C17orf113: variants seen among roughly 807,000 people sequenced by gnomAD.
C17orf113 encodes chromosome 17 open reading frame 113.
A neutral mutation model predicts 11.6 loss-of-function variants in C17orf113; 5 were observed. The observed-to-expected ratio is 0.43, with a 90% CI of 0.23 to 0.91. The LOEUF (loss-of-function observed/expected upper bound fraction) is 0.91. Ranked by LOEUF, C17orf113 falls within the 40% of genes least tolerant of loss-of-function variation. The pLI, the probability that C17orf113 is intolerant of heterozygous loss-of-function variation, is 0.26. For missense variants in C17orf113, 714 were observed against 841.3 expected, an observed-to-expected ratio of 0.85 and a Z score of 1.87; for synonymous variants, 327 against 390.6, an observed-to-expected ratio of 0.84 and a Z score of 1.92.
chr17:42,049,752 G>C (rs2053244728), intron 1 of C17orf113, among the ~76,000 whole-genome samples: 1 of 152,266 alleles, frequency 6.6e-6, no homozygotes, highest in African/African-American at 2.4e-5. Context: ...AAGGCAGGTA[G>C]GTAGAGCCCA....
chr17:42,047,523 C>A (rs1050880867), intron 1 of C17orf113, among the ~76,000 whole-genome samples: 1 of 152,046 alleles, frequency 6.6e-6, no homozygotes, highest in Non-Finnish European at 1.5e-5. Flanking sequence ...GACATGTATA[C>A]CAGTGCCCTG....
At position 42,043,030 on chromosome 17, in the gene C17orf113, G is replaced by A. The variant is rs1022646474; in HGVS notation, c.347C>T (p.Ala116Val). Reference sequence around the variant, plus strand: ...TAACTCCACCTTGACGCCCCTGGAGGCAGGGGTCGTAGCCAGGCCTGGGCA... The same window carrying A: ...TAACTCCACCTTGACGCCCCTGGAGACAGGGGTCGTAGCCAGGCCTGGGCA... Reference protein sequence around the residue: ...GACPGLATTPASRGVKVELDP... With the variant: ...GACPGLATTPVSRGVKVELDP... Residue 116 changes from alanine (A) to valine (V), a missense_variant, in exon 2 of 3, where the codon GCC becomes GTC. Physicochemically the swap from Ala to Val is moderately conservative, Grantham distance 64. This residue lies in a region of C17orf113 where 516 missense variants were observed against 626.6 expected (regional missense o/e 0.82). Transcript: ENST00000587304. 8.9e-6 allele frequency: 11 copies of A among 1,232,184 alleles called. No homozygotes were observed. Among genetic ancestry groups the A allele is most frequent in the Admixed American group, 8.4e-5 (2 of 23,704 alleles). 76.3% of individuals were successfully genotyped at this position (1,232,184 alleles called of 1,614,324 possible).
intron 1 of C17orf113, among the ~76,000 whole-genome samples, chr17:42,044,548 G>A (rs1271134132): frequency 1.3e-5 from 2 of 151,452 alleles, no homozygotes; most frequent in South Asian, 2.1e-4. Flanking sequence ...CCCGGGAGGC[G>A]GAGGTTGCAG....
chr17:42,044,005 C>G (rs2053087982), intron 1 of C17orf113, among the ~76,000 whole-genome samples: 1 of 151,792 alleles, frequency 6.6e-6, no homozygotes, highest in African/African-American at 2.4e-5. Flanking sequence ...CTTCAGCCCA[C>G]AGTCATCTAT....
chr17:42,049,824 T>G (rs1191232523), intron 1 of C17orf113, among the ~76,000 whole-genome samples: 2 of 152,254 alleles, frequency 1.3e-5, no homozygotes, highest in Non-Finnish European at 2.9e-5. Context: ...CTGCAGCTAT[T>G]GTAAATGCAG....
In C17orf113 at chr17:42,042,854, T is replaced by C. The variant is rs2053057368; in HGVS notation, c.523A>G (p.Arg175Gly). 3 of 1,232,290 alleles carry C rather than the reference T, an allele frequency of 2.4e-6. No homozygotes were observed. The highest frequency in any genetic ancestry group is 8.4e-5 in the Admixed American group (2 of 23,720). The allele number at this position is 1,232,290 out of a possible 1,614,324, so 76.3% of individuals were successfully genotyped here. A position where few individuals can be genotyped will look rare whatever the true frequency, so the allele number is the denominator to read the frequency against. The change falls in exon 2 of 3, where the codon AGG (arginine) becomes GGG (glycine). Residue 175 changes from arginine (R) to glycine (G), a missense_variant. By Grantham distance (125) the Arg-to-Gly change is moderately radical. Transcript: ENST00000587304. ...GTEHGDYYSP[R>G]RVRDMQVAIA... Reference sequence around the variant, plus strand: ...CCCACCTGCATGTCCCTCACCCTCCTGGGACTGTAGTAATCGCCATGCTCT... The same window carrying C: ...CCCACCTGCATGTCCCTCACCCTCCCGGGACTGTAGTAATCGCCATGCTCT...
intron 1 of C17orf113, among the ~76,000 whole-genome samples, chr17:42,046,160 A>G (rs1555656606): frequency 1.3e-5 from 2 of 152,086 alleles, no homozygotes; most frequent in South Asian, 2.1e-4. Context: ...ATGACACAAT[A>G]TGGTGAATAC....
chr17:42,046,896 T>G (rs1256165139), intron 1 of C17orf113, among the ~76,000 whole-genome samples: 1 of 151,686 alleles, frequency 6.6e-6, no homozygotes, highest in Non-Finnish European at 1.5e-5. Context: ...ACAGTTTCAC[T>G]GTGTCACCCA....
chr17:42,042,797 C>T (rs2053056058), intron 2 of C17orf113, 37 bp downstream of exon 2: 7 of 1,230,846 alleles, frequency 5.7e-6, no homozygotes, highest in Non-Finnish European at 7.1e-6. Flanking sequence ...GTCCTCCCTT[C>T]CCAAGCCCTT....
In C17orf113 at chr17:42,040,473, T is replaced by C; in HGVS notation, c.1260A>G (p.Ala420=). 2 of 1,232,232 alleles carry C rather than the reference T, an allele frequency of 1.6e-6. No homozygotes were observed. Among genetic ancestry groups the C allele is most frequent in the African/African-American group, 1.5e-5 (1 of 64,556 alleles). The allele number at this position is 1,232,232 out of a possible 1,614,324, so 76.3% of individuals were successfully genotyped here. ...GCAGCAAGGCCAAGTCCGGCTCTTC[T>C]GCCTGCAGGACAAGGGAGAGCTTCT... The part of the protein sequence containing the change: ...SVQKLSLVLQ[A]EEPDLALLQP... Residue 420 remains alanine, a synonymous_variant, in exon 3 of 3, where the codon GCA becomes GCG. Transcript: ENST00000587304.
In C17orf113 at chr17:42,042,994, T is replaced by C; in HGVS notation, c.383A>G (p.Lys128Arg). 1.6e-6 allele frequency: 2 copies of C among 1,232,356 alleles called. No individual in the cohort carries two copies. Among genetic ancestry groups the C allele is most frequent in the Non-Finnish European group, 1.0e-6 (1 of 988,076 alleles). The allele number at this position is 1,232,356 out of a possible 1,614,324, so 76.3% of individuals were successfully genotyped here. Residue 128 changes from lysine to arginine, a missense_variant, in exon 2 of 3, where the codon AAA becomes AGA. Coordinates refer to ENST00000587304, the MANE Select transcript of C17orf113 (RefSeq NM_001358661.2). ...GTACACAGTAGTCAGCACAGCCACT[T>C]TGGCCGGGTCTAACTCCACCTTGAC... is the stretch of plus-strand genomic sequence containing the variant. The part of the protein sequence containing the change: ...RGVKVELDPA[K>R]VAVLTTVYCM...
Position 42,040,890 on chromosome 17 carries a change from C to T in C17orf113, c.843G>A (p.Val281=). The change falls in exon 3 of 3, where the codon GTG becomes GTA. Residue 281 remains valine (V), a synonymous_variant. Coordinates refer to ENST00000587304, the MANE Select transcript of C17orf113 (RefSeq NM_001358661.2). ...GGCAAGTGGCCCGGAGCTGTGGGCC[C>T]ACACTCCCCAGGCGCTCACTGGGGA... ...SSLPSERLGS[V]GPQLRATCPL... 8.1e-7 allele frequency: 1 copy of T among 1,232,230 alleles called. No individual in the cohort carries two copies. Among genetic ancestry groups the T allele is most frequent in the Non-Finnish European group, 1.0e-6 (1 of 988,024 alleles). 76.3% of individuals were successfully genotyped at this position (1,232,230 alleles called of 1,614,324 possible). A position where few individuals can be genotyped will look rare whatever the true frequency, so the allele number is the denominator to read the frequency against.
rs1598186439 is a variant in C17orf113, at chr17:42,042,985, A to C, written c.392T>G (p.Val131Gly). The change falls in exon 2 of 3, where the codon GTG becomes GGG. Residue 131 changes from valine to glycine, a missense_variant. This residue lies in a region of C17orf113 where 516 missense variants were observed against 626.6 expected (regional missense o/e 0.82). Coordinates refer to ENST00000587304, the MANE Select transcript of C17orf113 (RefSeq NM_001358661.2). Reference sequence around the variant, plus strand: ...TGCCATGCAGTACACAGTAGTCAGCACAGCCACTTTGGCCGGGTCTAACTC... The same window carrying C: ...TGCCATGCAGTACACAGTAGTCAGCCCAGCCACTTTGGCCGGGTCTAACTC... ...KVELDPAKVA[V>G]LTTVYCMAKE... is the part of the protein sequence containing the mutation. The C allele has an allele frequency of 2.4e-6, 3 of 1,232,340 alleles. No individual in the cohort carries two copies. Among genetic ancestry groups the C allele is most frequent in the Non-Finnish European group, 3.0e-6 (3 of 988,106 alleles). 76.3% of individuals were successfully genotyped at this position (1,232,340 alleles called of 1,614,324 possible).
chr17:42,039,783 G>T lies in C17orf113; in HGVS notation c.1950C>A (p.His650Gln), dbSNP rs1567986363. The T allele has an allele frequency of 3.2e-6, 4 of 1,232,156 alleles. No homozygotes were observed. Among genetic ancestry groups the T allele is most frequent in the South Asian group, 8.2e-5 (2 of 24,322 alleles). The allele number at this position is 1,232,156 out of a possible 1,614,324, so 76.3% of individuals were successfully genotyped here. The change falls in exon 3 of 3, where the codon CAC (histidine) becomes CAA (glutamine). Residue 650 changes from histidine (H) to glutamine (Q), a missense_variant. By Grantham distance (24) the His-to-Gln change is conservative. Around this residue, in one of 3 missense-constraint regions of C17orf113, gnomAD observed 194 missense variants for 197.2 expected, o/e 0.98. Transcript: ENST00000587304. Reference protein sequence around the residue: ...VKIAVDGPPLHEFDFGLAVEF... With the variant: ...VKIAVDGPPLQEFDFGLAVEF... ...CCACAGCCAACCCGAAGTCAAACTC[G>T]TGCAGCGGGGGCCCATCCACTGCGA... is the stretch of plus-strand genomic sequence containing the variant.
At chr17:42,044,140 T>A (rs1366252218) in intron 1 of C17orf113, among the ~76,000 whole-genome samples, 25 of 83,590 alleles carry the variant, frequency 3.0e-4, no homozygotes, top group South Asian at 9.6e-4. Context: ...ACCCCATCTC[T>A]AAAAAAAAAA....
Position 42,038,324 on chromosome 17 carries a change from T to G in C17orf113, c.*1381A>C. 4.6e-6 allele frequency: 2 copies of G among 432,974 alleles called. No individual in the cohort carries two copies. Among genetic ancestry groups the G allele is most frequent in the South Asian group, 3.3e-5 (1 of 29,918 alleles). 26.8% of individuals were successfully genotyped at this position (432,974 alleles called of 1,614,324 possible). The stretch of plus-strand genomic sequence containing the variant: ...CCTCGCCCCTCTCACTCTCTAACTA[T>G]CCTCCCTCCCTCCAGATCCCCAGGA... On this transcript the variant is annotated 3_prime_UTR_variant, in exon 3 of 3. Transcript: ENST00000587304.
chr17:42,047,541 C>G (rs2053191922), intron 1 of C17orf113, among the ~76,000 whole-genome samples: 1 of 152,096 alleles, frequency 6.6e-6, no homozygotes, highest in Non-Finnish European at 1.5e-5. Flanking sequence ...CTGTGTGGAA[C>G]CAGCACATAG....
intron 1 of C17orf113, among the ~76,000 whole-genome samples, chr17:42,045,914 G>T (rs898831961): frequency 6.6e-6 from 1 of 152,126 alleles, no homozygotes; most frequent in African/African-American, 2.4e-5. Flanking sequence ...AGAGCCTCCC[G>T]CCATTCCTGT....
rs1431800035 is a variant in C17orf113, at chr17:42,039,834, T to C, written c.1899A>G (p.Glu633=). The stretch of plus-strand genomic sequence containing the variant: ...TCTTCACCATGTGGCCCCCCCGGCC[T>C]TCCCCGGCCCCACTCTGCCCCCACC... ...LRWWGQSGAG[E]GRGGHMVKIA... The change falls in exon 3 of 3, where the codon GAA becomes GAG. Residue 633 remains glutamate, a synonymous_variant. Coordinates refer to ENST00000587304, the MANE Select transcript of C17orf113 (RefSeq NM_001358661.2). 2 of 1,231,678 alleles carry C rather than the reference T, an allele frequency of 1.6e-6. No homozygotes were observed. The highest frequency in any genetic ancestry group is 3.1e-5 in the African/African-American group (2 of 64,392). 76.3% of individuals were successfully genotyped at this position (1,231,678 alleles called of 1,614,324 possible).
Sources: allele counts gnomAD v4.1 joint callset (sites outside exome capture counted in the v4.1 genomes callset), GRCh38; gene constraint gnomAD v4.1.1; regional missense constraint gnomAD v4.1.1; transcripts MANE v1.5; gene names NCBI Gene and HGNC (gene_info 2026-07-23, HGNC 2026-07-21).